Variants in CLIP1 observed in about 807,000 individuals in gnomAD.
CLIP1 encodes CAP-Gly domain containing linker protein 1, also known as CAP-Gly domain-containing linker protein 1.
Under a neutral mutation model 161.6 loss-of-function variants are expected in CLIP1, and 66 were observed. That is an observed-to-expected ratio of 0.41 (90% confidence interval 0.33 to 0.50). The LOEUF (loss-of-function observed/expected upper bound fraction) is 0.50, where lower values mean the gene tolerates loss of function less well. Among genes scored for constraint, CLIP1 ranks in the 20% least tolerant of loss-of-function variants. CLIP1 has a pLI of 0.27. For synonymous variants in CLIP1, 598 were observed against 626.2 expected, an observed-to-expected ratio of 0.96 and a Z score of 0.67; for missense variants, 1,376 against 1,702.0, an observed-to-expected ratio of 0.81 and a Z score of 3.37.
rs530665251 is a variant in CLIP1 at position 122,356,790 on chromosome 12, G to A, written c.1006-1478C>T. Reference sequence around the variant, plus strand: ...GTGCCTGCGATTGCAGGCGCGCGCCGCCACGCCTGACTGGTTTTCGTATTT... The same window carrying A: ...GTGCCTGCGATTGCAGGCGCGCGCCACCACGCCTGACTGGTTTTCGTATTT... On this transcript the variant is annotated intron_variant, in intron 5 of 25. Coordinates refer to ENST00000620786, the MANE Select transcript of CLIP1 (RefSeq NM_001247997.2). 1.1e-4 allele frequency among the ~76,000 whole-genome samples: 16 copies of A among 152,294 alleles called. No homozygotes were observed. The East Asian group carries it at 2.5e-3, about 24-fold the overall frequency.
intron 24 of CLIP1, 177 bp downstream of exon 24, chr12:122,277,977 G>T: frequency 1.5e-6 from 1 of 645,256 alleles, no homozygotes; most frequent in Non-Finnish European, 2.7e-6. Context: ...AAGGTTTGGA[G>T]GAAGACATTT....
In CLIP1 at chr12:122,278,216, G is replaced by GAA. The variant is rs35483741; in HGVS notation, c.3917-15_3917-14dup. Reference sequence around the variant, plus strand: ...GTGTCTGTATTACCTTATATTTGAGGAAAAAAAAAAAAAAACAAGTGGAGG... The same window carrying GAA: ...GTGTCTGTATTACCTTATATTTGAGGAAAAAAAAAAAAAAAAACAAGTGGAGG... On this transcript the variant is annotated splice_polypyrimidine_tract_variant and intron_variant, in intron 23 of 25. Coordinates refer to ENST00000620786, the MANE Select transcript of CLIP1 (RefSeq NM_001247997.2). 335,440 of 1,312,424 alleles carry GAA rather than the reference G, an allele frequency of 0.26. 12,662 individuals are homozygous for GAA. The highest frequency in any genetic ancestry group is 0.43 in the East Asian group (17,009 of 39,344). The allele number at this position is 1,312,424 out of a possible 1,614,324, so 81.3% of individuals were successfully genotyped here.
intron 1 of CLIP1, among the ~76,000 whole-genome samples, chr12:122,415,354 C>T (rs1016010109): frequency 6.7e-6 from 1 of 150,214 alleles, no homozygotes; most frequent in South Asian, 2.1e-4. Flanking sequence ...TGGTGGCGGG[C>T]GCCTGTAGTC....
intron 1 of CLIP1, among the ~76,000 whole-genome samples, chr12:122,391,517 C>G (rs1386575693): frequency 2.0e-5 from 3 of 152,090 alleles, no homozygotes; most frequent in Non-Finnish European, 2.9e-5. Flanking sequence ...ACCCAGGAGG[C>G]GGAGGGTGCA....
At chr12:122,414,342 G>A (rs1956650300) in intron 1 of CLIP1, among the ~76,000 whole-genome samples, 1 of 151,756 alleles carries the variant, frequency 6.6e-6, no homozygotes, top group South Asian at 2.1e-4. Flanking sequence ...AGAGACGGAA[G>A]TCTCAATGTG....
chr12:122,282,403 A>G (rs1394320755), intron 21 of CLIP1, among the ~76,000 whole-genome samples: 1 of 152,196 alleles, frequency 6.6e-6, no homozygotes, highest in East Asian at 1.9e-4. Context: ...GAAAGAAGGG[A>G]TAGAGGGAAC....
At chr12:122,350,467 C>G (rs1411144257) in intron 9 of CLIP1, among the ~76,000 whole-genome samples, 1 of 152,126 alleles carries the variant, frequency 6.6e-6, no homozygotes, top group Non-Finnish European at 1.5e-5. Flanking sequence ...AAAACTCTCA[C>G]TTCGGTAATA....
intron 20 of CLIP1, among the ~76,000 whole-genome samples, chr12:122,302,729 T>A (rs1950735024): frequency 6.6e-6 from 1 of 151,936 alleles, no homozygotes; most frequent in South Asian, 2.1e-4. Context: ...TCCAAGTAAC[T>A]GGGATTACAG....
chr12:122,322,496 G>C (rs577923301), intron 17 of CLIP1: 19 of 152,790 alleles, frequency 1.2e-4, no homozygotes, highest in African/African-American at 4.6e-4. Flanking sequence ...ACTTTTCAGA[G>C]TCTTTATATG....
intron 20 of CLIP1, among the ~76,000 whole-genome samples, chr12:122,294,014 A>G (rs2136343553): frequency 1.3e-5 from 2 of 151,944 alleles, no homozygotes; most frequent in East Asian, 3.9e-4. Flanking sequence ...ATGAAAACAT[A>G]TGCCCCTGGC....
At chr12:122,414,080 T>A (rs964513762) in intron 1 of CLIP1, among the ~76,000 whole-genome samples, 2 of 152,122 alleles carry the variant, frequency 1.3e-5, no homozygotes, top group African/African-American at 4.8e-5. Context: ...TTTTATTTTT[T>A]AATTTTGATT....
At chr12:122,408,216 T>G (rs891413350) in intron 1 of CLIP1, among the ~76,000 whole-genome samples, 48 of 143,656 alleles carry the variant, frequency 3.3e-4, no homozygotes, top group African/African-American at 1.3e-3. Flanking sequence ...ACGATAAGAA[T>G]GATACTCCGT....
chr12:122,421,985 G>GAAAAC (rs1451704466), intron 1 of CLIP1, among the ~76,000 whole-genome samples: 1 of 152,188 alleles, frequency 6.6e-6, no homozygotes, highest in East Asian at 1.9e-4. Context: ...CACTTGAGAG[G>GAAAAC]AAAACAAAAG....
At chr12:122,282,424 C>T (rs1225475584) in intron 21 of CLIP1, among the ~76,000 whole-genome samples, 1 of 152,184 alleles carries the variant, frequency 6.6e-6, no homozygotes, top group East Asian at 1.9e-4. Flanking sequence ...AGAAATCTTT[C>T]TCTCTCCATC....
intron 21 of CLIP1, among the ~76,000 whole-genome samples, chr12:122,282,361 A>G (rs1955681233): frequency 6.6e-6 from 1 of 152,212 alleles, no homozygotes; most frequent in Non-Finnish European, 1.5e-5. Context: ...GTATTACCAA[A>G]AAAAATCAAG....
Position 122,350,142 on chromosome 12 carries a change from T to A in CLIP1, c.1401+969A>T, listed in dbSNP as rs561845195. 1.2e-4 allele frequency among the ~76,000 whole-genome samples: 19 copies of A among 152,210 alleles called. No homozygotes were observed. In the South Asian group the frequency reaches 1.9e-3, roughly 15 times the overall value. On this transcript the variant is annotated intron_variant, in intron 9 of 25. Coordinates refer to ENST00000620786, the MANE Select transcript of CLIP1 (RefSeq NM_001247997.2). ...CTGGTCTCAAACTCCTAACCTTAGG[T>A]GTTCTGCCCGCCTCAACCTCCCAAA...
chr12:122,315,877 G>A (rs879392827), intron 19 of CLIP1, among the ~76,000 whole-genome samples: 1 of 151,758 alleles, frequency 6.6e-6, no homozygotes, highest in Non-Finnish European at 1.5e-5. Flanking sequence ...TCCTGACTTC[G>A]TGCTCCACCC....
intron 1 of CLIP1, among the ~76,000 whole-genome samples, chr12:122,404,826 G>A (rs1956266203): frequency 6.6e-6 from 1 of 151,362 alleles, no homozygotes; most frequent in Non-Finnish European, 1.5e-5. Flanking sequence ...TGTGAACCCG[G>A]GAGGCGGAGG....
intron 3 of CLIP1, chr12:122,364,956 A>G (rs1481269334): frequency 6.5e-6 from 3 of 460,710 alleles, no homozygotes; most frequent in Non-Finnish European, 1.2e-5. Context: ...GAAATTGGGA[A>G]TCATCATTCT....
Sources: gnomAD v4.1 joint callset for allele counts (sites outside exome capture counted in the v4.1 genomes callset) on GRCh38, gnomAD v4.1.1 for gene constraint, MANE v1.5 for transcripts, NCBI Gene and HGNC (gene_info 2026-07-23, HGNC 2026-07-21) for gene names.